The following PPARGC1A variants were observed in gnomAD, a reference collection of about 807,000 sequenced individuals.
PPARGC1A encodes PPARG coactivator 1 alpha, also known as peroxisome proliferator-activated receptor gamma coactivator 1-alpha.
Under a neutral mutation model 88.7 loss-of-function variants are expected in PPARGC1A, and 25 were observed. The ratio of observed to expected loss-of-function variants is 0.28; its 90% CI spans 0.21 to 0.39. The LOEUF is 0.39. Ranked by LOEUF, PPARGC1A falls within the 10% of genes least tolerant of loss-of-function variation. PPARGC1A has a pLI of 1.00. For missense variants in PPARGC1A, 880 were observed against 968.7 expected (o/e 0.91, Z 1.22); for synonymous variants, 363 against 355.6 (o/e 1.02, Z -0.24).
the PPARGC1A span, among the ~76,000 whole-genome samples, chr4:24,084,091 C>T: frequency 3.9e-5 from 6 of 152,318 alleles, no homozygotes; most frequent in South Asian, 2.1e-4. Flanking sequence ...TTGTTAACCA[C>T]GCTCTTATCT....
In PPARGC1A at chr4:23,880,941, G is replaced by A. The variant is rs926624077; in HGVS notation, c.234+3811C>T. On this transcript the variant is annotated intron_variant, in intron 2 of 12. Coordinates refer to ENST00000264867, the MANE Select transcript of PPARGC1A (RefSeq NM_013261.5). ...GTAGCTTCATTCAGAAGTAACAGAC[G>A]AATGAATGAAAGATGCCCATTCAGT... 7 of 152,140 alleles carry A rather than the reference G, an allele frequency of 4.6e-5. No homozygotes were observed. The East Asian group carries it at 5.8e-4, about 13-fold the overall frequency. The allele number at this position is 152,140 out of a possible 1,614,324, so 9.4% of individuals were successfully genotyped here.
the PPARGC1A span, among the ~76,000 whole-genome samples, chr4:23,973,013 A>T: frequency 6.6e-6 from 1 of 152,208 alleles, no homozygotes; most frequent in Non-Finnish European, 1.5e-5. Flanking sequence ...ATTCAATTGC[A>T]GGGATTCTAC....
chr4:23,889,770 T>G, intron 1 of PPARGC1A, 134 bp downstream of exon 1: 1 of 1,049,822 alleles, frequency 9.5e-7, no homozygotes, highest in Non-Finnish European at 1.3e-6. Flanking sequence ...AAGATTGAGA[T>G]TCTTCTAAAA....
At chr4:23,804,069 A>AT (rs960568007) in intron 10 of PPARGC1A, among the ~76,000 whole-genome samples, 5 of 152,024 alleles carry the variant, frequency 3.3e-5, no homozygotes, top group Non-Finnish European at 7.4e-5. Flanking sequence ...GCTCGCCTCT[A>AT]TTTTTTATTA....
At chr4:23,904,926 T>C (rs918364970), upstream of PPARGC1A, among the ~76,000 whole-genome samples, 1 of 152,214 alleles carries the variant, frequency 6.6e-6, no homozygotes, top group African/African-American at 2.4e-5. Flanking sequence ...GCATTCTCCT[T>C]TTTGTTGTAT....
the PPARGC1A span, among the ~76,000 whole-genome samples, chr4:24,104,350 G>A: frequency 6.6e-6 from 1 of 152,154 alleles, no homozygotes; most frequent in Non-Finnish European, 1.5e-5. Flanking sequence ...TAAAAAGTGT[G>A]AAATAGGCTG....
At chr4:23,859,700 G>C (rs1223843653) in intron 2 of PPARGC1A, among the ~76,000 whole-genome samples, 4 of 151,814 alleles carry the variant, frequency 2.6e-5, no homozygotes, top group Non-Finnish European at 5.9e-5. Context: ...ACAATGGCAG[G>C]AACCTGGGAG....
At chr4:24,193,433 T>A in the PPARGC1A span, among the ~76,000 whole-genome samples, 1 of 152,134 alleles carries the variant, frequency 6.6e-6, no homozygotes, top group Non-Finnish European at 1.5e-5. Flanking sequence ...CTCCCCAGCC[T>A]TCCCTAGAAG....
chr4:23,956,894 G>A, the PPARGC1A span, among the ~76,000 whole-genome samples: 1 of 152,058 alleles, frequency 6.6e-6, no homozygotes, highest in Non-Finnish European at 1.5e-5. Flanking sequence ...AGGCACAATT[G>A]TATTTCATTT....
At chr4:24,245,902 T>C in the PPARGC1A span, among the ~76,000 whole-genome samples, 1 of 150,348 alleles carries the variant, frequency 6.7e-6, no homozygotes. Flanking sequence ...GTTTGTTTGC[T>C]GATATGTACC....
chr4:24,187,915 G>C, the PPARGC1A span, among the ~76,000 whole-genome samples: 7 of 152,296 alleles, frequency 4.6e-5, no homozygotes, highest in South Asian at 6.2e-4. Context: ...TTAGATATAG[G>C]AATCTTTTGA....
the PPARGC1A span, among the ~76,000 whole-genome samples, chr4:24,006,478 C>T: frequency 6.6e-6 from 1 of 152,172 alleles, no homozygotes; most frequent in East Asian, 1.9e-4. Context: ...TATGAGTCTG[C>T]CCCTTAACAT....
intron 5 of PPARGC1A, 64 bp from the exon 6 acceptor site, chr4:23,824,572 C>T: frequency 7.4e-7 from 1 of 1,359,142 alleles, no homozygotes; most frequent in Non-Finnish European, 1.0e-6. Flanking sequence ...CTTTTCTCTC[C>T]ACAACAGTCA....
the PPARGC1A span, among the ~76,000 whole-genome samples, chr4:24,349,045 C>G: frequency 6.6e-6 from 1 of 152,158 alleles, no homozygotes; most frequent in Non-Finnish European, 1.5e-5. Flanking sequence ...TTCCTGTGAG[C>G]CAAGCTGCAG....
chr4:24,003,703 G>A, the PPARGC1A span, among the ~76,000 whole-genome samples: 2 of 152,128 alleles, frequency 1.3e-5, no homozygotes, highest in African/African-American at 4.8e-5. Flanking sequence ...TAGAGAGGAA[G>A]GCAGGGATCA....
chr4:23,888,497 C>A lies in PPARGC1A; in HGVS notation c.54+1407G>T, dbSNP rs78727129. On this transcript the variant is annotated intron_variant, in intron 1 of 12. Coordinates refer to ENST00000264867, the MANE Select transcript of PPARGC1A (RefSeq NM_013261.5). The stretch of plus-strand genomic sequence containing the variant: ...GACAACCACCCACAGGACACTCCGG[C>A]TACTCAAAGGCAATTAGGACTTTGA... Among the ~76,000 whole-genome samples, 1,201 of 152,286 alleles carry A rather than the reference C, an allele frequency of 7.9e-3. 13 individuals are homozygous for A. Among genetic ancestry groups the A allele is most frequent in the African/African-American group, 0.027 (1,132 of 41,560 alleles).
chr4:24,047,307 A>G, the PPARGC1A span, among the ~76,000 whole-genome samples: 7 of 152,200 alleles, frequency 4.6e-5, no homozygotes, highest in Non-Finnish European at 8.8e-5. Context: ...CATTGCCACT[A>G]GAAATTAAAC....
At chr4:23,897,563 C>G (rs533200837) in intron 1 of PPARGC1A, among the ~76,000 whole-genome samples, 3 of 152,122 alleles carry the variant, frequency 2.0e-5, no homozygotes, top group East Asian at 1.9e-4. Flanking sequence ...ACTCAGGAAG[C>G]CTTCTTTGCA....
chr4:23,994,181 C>T, the PPARGC1A span, among the ~76,000 whole-genome samples: 1 of 152,132 alleles, frequency 6.6e-6, no homozygotes, highest in African/African-American at 2.4e-5. Flanking sequence ...TCCCTCTGTC[C>T]TGCTTAACAA....
Sources: allele counts gnomAD v4.1 joint callset (sites outside exome capture counted in the v4.1 genomes callset), GRCh38; gene constraint gnomAD v4.1.1; transcripts MANE v1.5; gene names NCBI Gene and HGNC (gene_info 2026-07-23, HGNC 2026-07-21).